COL24A1: variants seen among roughly 807,000 people sequenced by gnomAD.
COL24A1 encodes the protein collagen alpha-1(XXIV) chain.
COL24A1 carries 224 observed loss-of-function variants against 253.9 expected under a neutral mutation model. The observed-to-expected ratio is 0.88, with a 90% confidence interval of 0.79 to 0.99. The LOEUF (loss-of-function observed/expected upper bound fraction) is 0.99, where lower values mean the gene tolerates loss of function less well. Among genes scored for constraint, COL24A1 ranks in the 50% least tolerant of loss-of-function variants. The pLI is 0.00. For missense variants in COL24A1, 2,131 were observed against 2,068.5 expected (o/e 1.03, Z -0.59); for synonymous variants, 685 against 673.7 (o/e 1.02, Z -0.26).
chr1:85,890,029 T>A (rs1187542054), intron 31 of COL24A1, among the ~76,000 whole-genome samples: 1 of 152,168 alleles, frequency 6.6e-6, no homozygotes, highest in African/African-American at 2.4e-5. Context: ...GACTGGCTTA[T>A]TTCACTTAGC....
At chr1:85,839,442 GGCTGGGTGTGGTA>G (rs1471777295) in intron 42 of COL24A1, among the ~76,000 whole-genome samples, 7 of 151,602 alleles carry the variant, frequency 4.6e-5, no homozygotes, top group African/African-American at 1.7e-4. Flanking sequence ...GTCTACTGTT[GGCTGGGTGTGGTA>G]GCTCATGCCT....
At chr1:86,056,416 C>A (rs141762020) in intron 10 of COL24A1, among the ~76,000 whole-genome samples, 2,022 of 152,242 alleles carry the variant, frequency 0.013, 23 homozygotes, top group Middle Eastern at 0.041. Flanking sequence ...GGATGACAGG[C>A]CTGTTCTCCT....
chr1:86,116,384 T>C (rs1234265107), intron 3 of COL24A1, among the ~76,000 whole-genome samples: 1 of 152,230 alleles, frequency 6.6e-6, no homozygotes, highest in African/African-American at 2.4e-5. Context: ...AATTTTTATA[T>C]ATCTATGCTG....
At chr1:86,102,087 G>C (rs1704511482) in intron 5 of COL24A1, among the ~76,000 whole-genome samples, 1 of 60,828 alleles carries the variant, frequency 1.6e-5, no homozygotes, top group South Asian at 4.1e-4. Context: ...GTCTGTTAAG[G>C]AATGCAATTT....
At chr1:85,983,728 T>C (rs1385402381) in intron 20 of COL24A1, among the ~76,000 whole-genome samples, 1 of 151,844 alleles carries the variant, frequency 6.6e-6, no homozygotes, top group Non-Finnish European at 1.5e-5. Flanking sequence ...AAACACATCA[T>C]GTTAACAGGG....
At chr1:85,868,379 C>T (rs1045383450) in intron 37 of COL24A1, 140 bp downstream of exon 37, 3 of 520,776 alleles carry the variant, frequency 5.8e-6, no homozygotes, top group South Asian at 4.5e-5. Flanking sequence ...TTGACTTTTC[C>T]TTCTCTCTAG....
intron 37 of COL24A1, among the ~76,000 whole-genome samples, chr1:85,856,246 C>T (rs946571982): frequency 3.9e-5 from 6 of 151,902 alleles, no homozygotes; most frequent in Non-Finnish European, 7.4e-5. Context: ...GTTTGTTTTG[C>T]TCCTGTTTTT....
intron 19 of COL24A1, among the ~76,000 whole-genome samples, chr1:86,013,545 C>T (rs1019119591): frequency 6.6e-6 from 1 of 152,120 alleles, no homozygotes; most frequent in Non-Finnish European, 1.5e-5. Flanking sequence ...TCAAACTAAC[C>T]AAAAACTGGG....
intron 14 of COL24A1, 121 bp downstream of exon 14, chr1:86,031,757 G>T: frequency 1.5e-6 from 1 of 677,006 alleles, no homozygotes; most frequent in Admixed American, 3.1e-5. Context: ...TTTAATCAAG[G>T]TTGATAACCA....
At chr1:85,877,441 C>T (rs151251440) in intron 32 of COL24A1, among the ~76,000 whole-genome samples, 223 of 152,320 alleles carry the variant, frequency 1.5e-3, no homozygotes, top group South Asian at 7.0e-3. Flanking sequence ...CCACTCACTG[C>T]AACCTCCGCC....
Position 86,135,285 on chromosome 1 carries a change from T to G in COL24A1, c.122-9071A>C, listed in dbSNP as rs189653049. Reference sequence around the variant, plus strand: ...GTTTCCTGAATACAGCACACTGATGTGTCTTGACTCTTTATCCAATTTGCC... The same window carrying G: ...GTTTCCTGAATACAGCACACTGATGGGTCTTGACTCTTTATCCAATTTGCC... On this transcript the variant is annotated intron_variant, in intron 2 of 59. Transcript: ENST00000370571. Among the ~76,000 whole-genome samples, 809 of 152,170 alleles carry G rather than the reference T, an allele frequency of 5.3e-3. 13 individuals are homozygous for G. In the East Asian group the frequency reaches 0.066, roughly 12 times the overall value.
At chr1:86,015,926 C>T (rs1008801878) in intron 19 of COL24A1, among the ~76,000 whole-genome samples, 48 of 150,356 alleles carry the variant, frequency 3.2e-4, no homozygotes, top group African/African-American at 1.1e-3. Context: ...ATTTTGTCAC[C>T]CAGGCTGAAG....
intron 2 of COL24A1, among the ~76,000 whole-genome samples, chr1:86,129,968 T>C (rs1224640783): frequency 6.6e-6 from 1 of 151,876 alleles, no homozygotes; most frequent in Non-Finnish European, 1.5e-5. Context: ...AGATAAAGTA[T>C]CTTACCAGTA....
At chr1:86,010,541 T>A (rs1269130817) in intron 19 of COL24A1, among the ~76,000 whole-genome samples, 2 of 152,168 alleles carry the variant, frequency 1.3e-5, no homozygotes, top group Non-Finnish European at 1.5e-5. Context: ...AGAGAGGAAT[T>A]TGGCAATATC....
At chr1:85,914,304 A>ATGTGTGTGTGTGTGTGTG (rs71078628) in intron 24 of COL24A1, among the ~76,000 whole-genome samples, 3 of 139,190 alleles carry the variant, frequency 2.2e-5, no homozygotes, top group African/African-American at 8.0e-5. Flanking sequence ...TTTGTCATGA[A>ATGTGTGTGTGTGTGTGTG]TGTGTGTGTG....
Position 86,059,121 on chromosome 1 carries a change from C to G in COL24A1, c.1806G>C (p.Gln602His). 1 of 1,606,966 alleles carries G rather than the reference C, an allele frequency of 6.2e-7. No homozygotes were observed. Among genetic ancestry groups the G allele is most frequent in the Non-Finnish European group, 8.5e-7 (1 of 1,175,644 alleles). Reference sequence around the variant, plus strand: ...AAAAGTCTAAATATAGTTACTGCACCTGCCTGCCAGGGTAACCGGGTGAAC... The same window carrying G: ...AAAAGTCTAAATATAGTTACTGCACGTGCCTGCCAGGGTAACCGGGTGAAC... ...NIGSPGYPGRQGLAGPEGNPG... is the reference protein window; with the variant it reads ...NIGSPGYPGRHGLAGPEGNPG... Residue 602 changes from glutamine (Q) to histidine (H), a missense_variant and splice_region_variant, in exon 9 of 60, where the codon CAG becomes CAC. Coordinates refer to ENST00000370571, the MANE Select transcript of COL24A1 (RefSeq NM_152890.7).
intron 4 of COL24A1, 72 bp from the exon 5 acceptor site, chr1:86,112,692 C>T: frequency 7.2e-7 from 1 of 1,386,706 alleles, no homozygotes; most frequent in Non-Finnish European, 1.0e-6. Flanking sequence ...GCTTACTTTC[C>T]TCTCAACATG....
intron 43 of COL24A1, among the ~76,000 whole-genome samples, chr1:85,833,679 T>C (rs1468621412): frequency 1.9e-4 from 29 of 152,072 alleles, no homozygotes; most frequent in Admixed American, 1.8e-3. Context: ...ATGTTTATTG[T>C]GGCACTATTC....
chr1:85,926,667 T>C (rs1231178096), intron 24 of COL24A1, among the ~76,000 whole-genome samples: 1 of 145,118 alleles, frequency 6.9e-6, no homozygotes, highest in Non-Finnish European at 1.5e-5. Context: ...GGGCCTGTCA[T>C]GGGGTGAGGG....
Sources: gnomAD v4.1 joint callset for allele counts (sites outside exome capture counted in the v4.1 genomes callset) on GRCh38, gnomAD v4.1.1 for gene constraint, MANE v1.5 for transcripts, NCBI Gene and HGNC (gene_info 2026-07-23, HGNC 2026-07-21) for gene names.